NPIPB2: variants seen among roughly 807,000 people sequenced by gnomAD.
NPIPB2 encodes nuclear pore complex interacting protein family member B2.
NPIPB2 carries 27 observed loss-of-function variants against 30.8 expected under a neutral mutation model. The ratio of observed to expected loss-of-function variants is 0.88; its 90% CI spans 0.65 to 1.21. The LOEUF (loss-of-function observed/expected upper bound fraction) is 1.21, where lower values mean the gene tolerates loss of function less well. Ranked by LOEUF, NPIPB2 falls within the 50% of genes most tolerant of loss-of-function variation. The pLI is 0.00. For synonymous variants in NPIPB2, 147 were observed against 162.0 expected (o/e 0.91, Z 0.70); for missense variants, 440 against 446.2 (o/e 0.99, Z 0.13).
intron 1 of NPIPB2, among the ~76,000 whole-genome samples, chr16:11,956,590 C>T (rs1364491943): frequency 6.6e-6 from 1 of 152,126 alleles, no homozygotes; most frequent in Non-Finnish European, 1.5e-5. Flanking sequence ...GCAGGAGAAT[C>T]GCTTGAACTC....
intron 1 of NPIPB2, among the ~76,000 whole-genome samples, chr16:11,969,179 T>G (rs1046939120): frequency 6.6e-6 from 1 of 152,074 alleles, no homozygotes; most frequent in Non-Finnish European, 1.5e-5. Context: ...AGTCATACGC[T>G]TCTATGGTTA....
At chr16:11,933,559 T>G (rs539599080) in exon 4 of NPIPB2, 1 of 1,597,146 alleles carries the variant, frequency 6.3e-7, no homozygotes, top group Non-Finnish European at 8.5e-7. Context: ...TTTGTCATGA[T>G]GGTTGATTTT....
exon 2 of NPIPB2, chr16:11,937,652 G>T: frequency 6.3e-7 from 1 of 1,599,134 alleles, no homozygotes; most frequent in Non-Finnish European, 8.5e-7. Context: ...ATGATGGTCA[G>T]CCAGAGTATT....
At chr16:11,967,664 A>G (rs767840692) in intron 1 of NPIPB2, 1 of 1,614,192 alleles carries the variant, frequency 6.2e-7, no homozygotes, top group East Asian at 2.2e-5. Context: ...ACACGGTGGA[A>G]GAATGCACCT....
intron 1 of NPIPB2, among the ~76,000 whole-genome samples, chr16:11,938,245 C>T (rs2054893595): frequency 6.6e-6 from 1 of 152,222 alleles, no homozygotes; most frequent in Non-Finnish European, 1.5e-5. Flanking sequence ...CCTTGAACTC[C>T]TGACAGGTGA....
chr16:11,935,232 A>C (rs2054849298), intron 2 of NPIPB2, among the ~76,000 whole-genome samples: 2 of 151,648 alleles, frequency 1.3e-5, no homozygotes, highest in Admixed American at 1.3e-4. Flanking sequence ...GATATTAAAT[A>C]TTTGTTCTCA....
chr16:11,966,851 T>C (rs1374538970), intron 1 of NPIPB2, among the ~76,000 whole-genome samples: 1 of 152,104 alleles, frequency 6.6e-6, no homozygotes, highest in African/African-American at 2.4e-5. Context: ...TTTTAAGCAA[T>C]AGAGAACCAG....
chr16:11,975,297 G>A (rs1307146607), intron 1 of NPIPB2, among the ~76,000 whole-genome samples: 9 of 140,758 alleles, frequency 6.4e-5, no homozygotes, highest in Non-Finnish European at 9.4e-5. Context: ...ACAGGCGCCC[G>A]CCACTACGCC....
At chr16:11,973,338 G>T (rs887587326) in intron 1 of NPIPB2, among the ~76,000 whole-genome samples, 1 of 152,086 alleles carries the variant, frequency 6.6e-6, no homozygotes, top group Non-Finnish European at 1.5e-5. Context: ...GGGGGACTGA[G>T]AATTTTATTT....
chr16:11,933,495 T>C lies in NPIPB2; in HGVS notation c.488+22A>G. The C allele has an allele frequency of 3.1e-6, 5 of 1,596,752 alleles. 1 individual carries two copies. The highest frequency in any genetic ancestry group is 4.5e-4 in the Middle Eastern group (2 of 4,426). On this transcript the variant is annotated intron_variant, in intron 4 of 7. Coordinates refer to ENST00000399147, the Ensembl canonical transcript of NPIPB2. ...TTGGCACATGGTTCATACAACAATATTTGTGTCAAGGCACATCTTACTGTT... is the reference window on the plus strand; with the variant it reads ...TTGGCACATGGTTCATACAACAATACTTGTGTCAAGGCACATCTTACTGTT...
intron 1 of NPIPB2, among the ~76,000 whole-genome samples, chr16:11,974,328 C>T (rs2055254147): frequency 6.6e-6 from 1 of 151,928 alleles, no homozygotes; most frequent in East Asian, 1.9e-4. Flanking sequence ...GGCTGACCAA[C>T]ATGGTGAAAG....
chr16:11,965,406 T>C, intron 1 of NPIPB2: 1 of 1,614,208 alleles, frequency 6.2e-7, no homozygotes, highest in South Asian at 1.1e-5. Context: ...TCAACTTCGA[T>C]GTTCTTCTAA....
At chr16:11,970,487 A>T (rs2055229043) in intron 1 of NPIPB2, among the ~76,000 whole-genome samples, 1 of 151,998 alleles carries the variant, frequency 6.6e-6, no homozygotes, top group Admixed American at 6.6e-5. Flanking sequence ...TGCTAGAATT[A>T]TAGGTGTGGG....
At chr16:11,953,377 C>T (rs188372174) in intron 1 of NPIPB2, among the ~76,000 whole-genome samples, 14 of 151,874 alleles carry the variant, frequency 9.2e-5, no homozygotes, top group African/African-American at 3.4e-4. Flanking sequence ...GAGTCTTGCT[C>T]TGTTGCTCAG....
intron 1 of NPIPB2, chr16:11,968,027 G>T: frequency 1.5e-6 from 1 of 649,896 alleles, no homozygotes; most frequent in East Asian, 3.1e-5. Context: ...CTTAATGGTA[G>T]AAACTTCCTT....
chr16:11,942,598 CT>C (rs1217210824), upstream of NPIPB2, among the ~76,000 whole-genome samples: 1 of 152,188 alleles, frequency 6.6e-6, no homozygotes, highest in Non-Finnish European at 1.5e-5. Context: ...CCAAGTTGAC[CT>C]TCATGAATGG....
chr16:11,947,894 G>T (rs765100306), intron 1 of NPIPB2, among the ~76,000 whole-genome samples: 10 of 150,722 alleles, frequency 6.6e-5, no homozygotes, highest in Non-Finnish European at 1.3e-4. Flanking sequence ...GAAGCATGTG[G>T]GCTGTGGGTA....
Position 11,967,779 on chromosome 16 carries a change from G to C in NPIPB2, c.-584+8789C>G, listed in dbSNP as rs1237856370. On this transcript the variant is annotated intron_variant, in intron 1 of 5. Transcript: ENST00000538896. ...CATTCTTGTCACCACGAAAACGAAT[G>C]ACTATTGCAAGAGCCTGCCAGCTGC... The C allele has an allele frequency of 2.5e-6, 4 of 1,614,084 alleles. No individual in the cohort carries two copies. The African/African-American group carries it at 5.3e-5, about 22-fold the overall frequency.
At chr16:11,972,473 T>C (rs749936121) in intron 1 of NPIPB2, among the ~76,000 whole-genome samples, 1 of 146,254 alleles carries the variant, frequency 6.8e-6, no homozygotes, top group Non-Finnish European at 1.5e-5. Flanking sequence ...TACTTTGGAG[T>C]GTGAGGCACA....
Sources: gnomAD v4.1 joint callset for allele counts (sites outside exome capture counted in the v4.1 genomes callset) on GRCh38, gnomAD v4.1.1 for gene constraint, MANE v1.5 for transcripts, NCBI Gene and HGNC (gene_info 2026-07-23, HGNC 2026-07-21) for gene names.